Variants in SNTB2 observed in about 807,000 individuals in gnomAD.
The protein encoded by SNTB2 is syntrophin beta 2.
In SNTB2, 34 loss-of-function variants were observed where a neutral mutation model predicts 46.2. The ratio of observed to expected loss-of-function variants is 0.74; its 90% CI spans 0.56 to 0.98. SNTB2 has a LOEUF of 0.98. Ranked by LOEUF, SNTB2 falls within the 50% of genes least tolerant of loss-of-function variation. The probability of loss-of-function intolerance (pLI) is 0.00; values close to 1 mark genes in which losing one functional copy is unlikely to be tolerated. For synonymous variants in SNTB2, 290 were observed against 312.6 expected (o/e 0.93, Z 0.76); for missense variants, 603 against 731.4 (o/e 0.82, Z 2.02).
At position 69,253,257 on chromosome 16, in the gene SNTB2, C is replaced by T. The variant is rs370322279; in HGVS notation, c.795-6793C>T. On this transcript the variant is annotated intron_variant, in intron 2 of 6. Transcript: ENST00000336278. ...GGACTCTTTTGGATCCTAGACTCATCGGTCCTATTTTGGAGCTTCTTTGCT... is the reference window on the plus strand; with the variant it reads ...GGACTCTTTTGGATCCTAGACTCATTGGTCCTATTTTGGAGCTTCTTTGCT... 4.6e-5 allele frequency among the ~76,000 whole-genome samples: 7 copies of T among 152,068 alleles called. No homozygotes were observed. In the South Asian group the frequency reaches 6.2e-4, roughly 14 times the overall value.
At chr16:69,203,492 C>T (rs539585714) in intron 1 of SNTB2, among the ~76,000 whole-genome samples, 2 of 152,106 alleles carry the variant, frequency 1.3e-5, no homozygotes, top group African/African-American at 4.8e-5. Flanking sequence ...GTACATGTCA[C>T]CATGCCTGGC....
chr16:69,267,737 G>A (rs563248910), intron 3 of SNTB2, among the ~76,000 whole-genome samples: 2 of 152,306 alleles, frequency 1.3e-5, no homozygotes, highest in African/African-American at 4.8e-5. Flanking sequence ...CGTCCCAGTG[G>A]TAGATGTTAT....
chr16:69,261,999 A>G (rs1423952605), intron 3 of SNTB2, among the ~76,000 whole-genome samples: 1 of 152,130 alleles, frequency 6.6e-6, no homozygotes, highest in African/African-American at 2.4e-5. Flanking sequence ...GCTCAAGACC[A>G]GGAGCTTGAG....
chr16:69,299,448 C>A, intron 5 of SNTB2, 142 bp from the exon 6 acceptor site: 2 of 830,414 alleles, frequency 2.4e-6, no homozygotes, highest in Non-Finnish European at 1.8e-6. Context: ...GCACAAAACA[C>A]ACTTTAGAAG....
In SNTB2 at chr16:69,263,971, A is replaced by T. The variant is rs112460587; in HGVS notation, c.1005+3711A>T. 6.5e-3 allele frequency among the ~76,000 whole-genome samples: 987 copies of T among 151,538 alleles called. 8 individuals are homozygous for T. The highest frequency in any genetic ancestry group is 0.021 in the African/African-American group (849 of 41,270). On this transcript the variant is annotated intron_variant, in intron 3 of 6. Coordinates refer to ENST00000336278, the MANE Select transcript of SNTB2 (RefSeq NM_006750.4). ...GCAAGCTCCGCCTCCCAAAAAAAAA[A>T]TTTTTTGTGTAGAGATGGGGTCTCA...
At chr16:69,196,376 CTT>C (rs533787609) in intron 1 of SNTB2, among the ~76,000 whole-genome samples, 18 of 134,550 alleles carry the variant, frequency 1.3e-4, no homozygotes, top group Non-Finnish European at 9.6e-5. Context: ...TTTTCTTTTT[CTT>C]TTTTTTTTTT....
rs1214504652 is a variant in SNTB2, at chr16:69,301,073, A to G, written c.*149A>G. On this transcript the variant is annotated 3_prime_UTR_variant, in exon 7 of 7. Transcript: ENST00000336278. ...TAACTGCTGAACCATAACCGTGTTT[A>G]AAGAAGAGCCTACCTTTCACAGTCT... The G allele has an allele frequency of 1.7e-6, 1 of 589,958 alleles. No homozygotes were observed. Among genetic ancestry groups the G allele is most frequent in the Non-Finnish European group, 3.0e-6 (1 of 329,166 alleles). 36.5% of individuals were successfully genotyped at this position (589,958 alleles called of 1,614,324 possible). A position where few individuals can be genotyped will look rare whatever the true frequency, so the allele number is the denominator to read the frequency against.
chr16:69,267,895 G>A (rs1164494677), intron 3 of SNTB2, among the ~76,000 whole-genome samples: 1 of 152,214 alleles, frequency 6.6e-6, no homozygotes. Flanking sequence ...TCATCAATTT[G>A]AATTCTCCTT....
intron 5 of SNTB2, among the ~76,000 whole-genome samples, chr16:69,295,440 G>C (rs566727106): frequency 1.2e-3 from 179 of 151,578 alleles, no homozygotes; most frequent in Admixed American, 3.7e-3. Context: ...AGTAGAGACA[G>C]GGTTTCACCA....
At chr16:69,189,891 G>T (rs567349000) in intron 1 of SNTB2, among the ~76,000 whole-genome samples, 1 of 152,148 alleles carries the variant, frequency 6.6e-6, no homozygotes, top group Non-Finnish European at 1.5e-5. Context: ...AAAGATGGCC[G>T]CATAATAACA....
At position 69,303,643 on chromosome 16, in the gene SNTB2, C is replaced by T. The variant is rs540107685; in HGVS notation, c.*2719C>T. ...CCCAAGAACCAGAACCCTTTTGCTG[C>T]TTTTCTTACATACCTAACAGCTCTC... On this transcript the variant is annotated 3_prime_UTR_variant, in exon 7 of 7. Transcript: ENST00000336278. The T allele has an allele frequency of 6.6e-6, 1 of 152,620 alleles. No individual in the cohort carries two copies. The highest frequency in any genetic ancestry group is 1.5e-5 in the Non-Finnish European group (1 of 68,046). The allele number at this position is 152,620 out of a possible 1,614,324, so 9.5% of individuals were successfully genotyped here.
chr16:69,189,345 A>G (rs906240547), intron 1 of SNTB2, among the ~76,000 whole-genome samples: 2 of 152,338 alleles, frequency 1.3e-5, no homozygotes, highest in Admixed American at 1.3e-4. Flanking sequence ...GGTCTAGCTA[A>G]GCATTTGGTT....
At chr16:69,279,077 AT>A (rs1243233780) in intron 4 of SNTB2, among the ~76,000 whole-genome samples, 1 of 152,212 alleles carries the variant, frequency 6.6e-6, no homozygotes, top group Non-Finnish European at 1.5e-5. Flanking sequence ...TGTACAGTAG[AT>A]TAGTGTTTAC....
intron 5 of SNTB2, among the ~76,000 whole-genome samples, chr16:69,292,227 ACT>A (rs1420628747): frequency 5.4e-5 from 8 of 149,078 alleles, no homozygotes; most frequent in African/African-American, 2.5e-5. Flanking sequence ...ACAGAGCGAG[ACT>A]CTGTCTCAAA....
chr16:69,265,578 C>T (rs1404736327), intron 3 of SNTB2, among the ~76,000 whole-genome samples: 1 of 152,022 alleles, frequency 6.6e-6, no homozygotes, highest in Non-Finnish European at 1.5e-5. Flanking sequence ...CCTGTAATCC[C>T]AGCACTTTGG....
intron 3 of SNTB2, among the ~76,000 whole-genome samples, chr16:69,268,694 G>A (rs192384464): frequency 2.1e-3 from 314 of 151,780 alleles, no homozygotes; most frequent in African/African-American, 6.6e-3. Flanking sequence ...GTGAAACCCC[G>A]TCTCTACTAA....
intron 3 of SNTB2, 44 bp from the exon 4 acceptor site, chr16:69,270,099 T>C: frequency 1.2e-6 from 2 of 1,612,294 alleles, no homozygotes; most frequent in Non-Finnish European, 1.7e-6. Context: ...TACAAAGACG[T>C]GATTATAGTT....
intron 1 of SNTB2, among the ~76,000 whole-genome samples, chr16:69,211,061 T>C (rs996610810): frequency 2.0e-5 from 3 of 152,128 alleles, no homozygotes; most frequent in Non-Finnish European, 4.4e-5. Context: ...ACTCCTGGCC[T>C]CAAGCATTCC....
At chr16:69,189,389 A>T (rs1351571208) in intron 1 of SNTB2, among the ~76,000 whole-genome samples, 1 of 152,184 alleles carries the variant, frequency 6.6e-6, no homozygotes, top group Non-Finnish European at 1.5e-5. Context: ...TGAATTTAGT[A>T]CTATTTATGT....
Sources: gnomAD v4.1 joint callset for allele counts (sites outside exome capture counted in the v4.1 genomes callset) on GRCh38, gnomAD v4.1.1 for gene constraint, MANE v1.5 for transcripts, NCBI Gene and HGNC (gene_info 2026-07-23, HGNC 2026-07-21) for gene names.